The following FAM107B variants were observed in gnomAD, a reference collection of about 807,000 sequenced individuals.
FAM107B encodes protein FAM107B.
In FAM107B, 21 loss-of-function variants were observed where a neutral mutation model predicts 31.5. That is an observed-to-expected ratio of 0.67 (90% CI 0.47 to 0.96). The LOEUF is 0.96. FAM107B is among the 40% of genes least tolerant of loss of function. The probability of loss-of-function intolerance (pLI) is 0.00; values close to 1 mark genes in which losing one functional copy is unlikely to be tolerated. For missense variants in FAM107B, 452 were observed against 377.1 expected (o/e 1.20, Z -1.64); for synonymous variants, 157 against 141.5 (o/e 1.11, Z -0.78).
At chr10:14,705,458 C>T (rs1855497620) in intron 1 of FAM107B, among the ~76,000 whole-genome samples, 1 of 152,044 alleles carries the variant, frequency 6.6e-6, no homozygotes, top group Non-Finnish European at 1.5e-5. Flanking sequence ...GTGTGAACAA[C>T]CCAAATTTTC....
chr10:14,667,660 A>T lies in FAM107B; in HGVS notation c.443T>A (p.Leu148His). The T allele has an allele frequency of 6.2e-7, 1 of 1,614,164 alleles. No individual in the cohort carries two copies. Among genetic ancestry groups the T allele is most frequent in the African/African-American group, 1.3e-5 (1 of 75,064 alleles). Reference sequence around the variant, plus strand: ...TGATGTCATTTTCTGCTCCAGCTCGAGGCATTTAGGTTCTTCTCGAAATTC... The same window carrying T: ...TGATGTCATTTTCTGCTCCAGCTCGTGGCATTTAGGTTCTTCTCGAAATTC... Reference protein sequence around the residue: ...EEEFREEPKCLELEQKMTSDS... With the variant: ...EEEFREEPKCHELEQKMTSDS... The change falls in exon 2 of 5, where the codon CTC becomes CAC. Residue 148 changes from leucine (L) to histidine (H), a missense_variant. Transcript: ENST00000181796.
At chr10:14,679,233 G>A (rs1404044811) in intron 1 of FAM107B, among the ~76,000 whole-genome samples, 3 of 152,066 alleles carry the variant, frequency 2.0e-5, no homozygotes, top group Non-Finnish European at 2.9e-5. Context: ...GGGCTCAAGC[G>A]ATCCTCCTAC....
intron 2 of FAM107B, among the ~76,000 whole-genome samples, chr10:14,568,921 A>C (rs901640012): frequency 3.3e-5 from 5 of 152,166 alleles, no homozygotes; most frequent in African/African-American, 9.7e-5. Context: ...AAATGGCAAC[A>C]CCAGGAGAGC....
intron 2 of FAM107B, among the ~76,000 whole-genome samples, chr10:14,601,211 C>T (rs1852385970): frequency 6.6e-6 from 1 of 152,124 alleles, no homozygotes; most frequent in South Asian, 2.1e-4. Context: ...TAAAATAGCC[C>T]CTTGTCCATG....
chr10:14,614,475 T>A (rs1852801898), intron 2 of FAM107B, among the ~76,000 whole-genome samples: 1 of 151,492 alleles, frequency 6.6e-6, no homozygotes, highest in Admixed American at 6.6e-5. Context: ...GGGTTCAAGA[T>A]CAGCCTGACC....
intron 2 of FAM107B, among the ~76,000 whole-genome samples, chr10:14,546,349 C>T (rs550393648): frequency 6.6e-6 from 1 of 152,316 alleles, no homozygotes; most frequent in East Asian, 1.9e-4. Flanking sequence ...ATTGACTGTC[C>T]ACATTTTCTA....
chr10:14,575,936 A>C (rs1302809581), intron 2 of FAM107B, among the ~76,000 whole-genome samples: 1 of 152,240 alleles, frequency 6.6e-6, no homozygotes, highest in Non-Finnish European at 1.5e-5. Context: ...ATTGTCATAC[A>C]TGCTACCACA....
intron 1 of FAM107B, among the ~76,000 whole-genome samples, chr10:14,704,968 G>T (rs550924120): frequency 7.1e-6 from 1 of 140,188 alleles, no homozygotes; most frequent in African/African-American, 2.7e-5. Context: ...AGCTTGCCGC[G>T]AGCCAAGATG....
At chr10:14,697,000 C>A (rs1314302842) in intron 1 of FAM107B, among the ~76,000 whole-genome samples, 1 of 152,116 alleles carries the variant, frequency 6.6e-6, no homozygotes, top group Non-Finnish European at 1.5e-5. Flanking sequence ...CCAGGCCTAA[C>A]AACTTTATTC....
intron 2 of FAM107B, chr10:14,661,572 G>A: frequency 6.6e-6 from 1 of 152,230 alleles, no homozygotes; most frequent in East Asian, 1.9e-4. Context: ...CTTTGGACTT[G>A]GACTAGAATT....
intron 2 of FAM107B, among the ~76,000 whole-genome samples, chr10:14,643,347 C>T (rs1266139267): frequency 6.6e-6 from 1 of 151,772 alleles, no homozygotes; most frequent in Non-Finnish European, 1.5e-5. Context: ...GAGGGATCCC[C>T]TCTTACTTAG....
intron 2 of FAM107B, among the ~76,000 whole-genome samples, chr10:14,597,422 G>A (rs761291822): frequency 1.3e-5 from 2 of 152,188 alleles, no homozygotes; most frequent in Non-Finnish European, 2.9e-5. Context: ...CCACAGTAAT[G>A]ACAGCCCTCT....
intron 1 of FAM107B, among the ~76,000 whole-genome samples, chr10:14,692,480 C>A (rs1007607318): frequency 6.6e-6 from 1 of 152,144 alleles, no homozygotes; most frequent in African/African-American, 2.4e-5. Flanking sequence ...TTATCAGTGG[C>A]AAGCAATATA....
At position 14,720,693 on chromosome 10, in the gene FAM107B, C is replaced by A. The variant is rs913957462; in HGVS notation, c.412-53002G>T. On this transcript the variant is annotated intron_variant, in intron 1 of 4. Transcript: ENST00000181796. The stretch of plus-strand genomic sequence containing the variant: ...GGATCCCTCAACATTCTACCAGACA[C>A]CATTGTCTTAAATTCTAGAAGTTCC... Among the ~76,000 whole-genome samples the A allele has an allele frequency of 7.2e-5, 11 of 152,242 alleles. No homozygotes were observed. The East Asian group carries it at 2.1e-3, about 29-fold the overall frequency.
intron 2 of FAM107B, among the ~76,000 whole-genome samples, chr10:14,582,374 TC>T (rs1851663472): frequency 2.0e-5 from 2 of 97,562 alleles, no homozygotes; most frequent in East Asian, 2.8e-4. Context: ...TTTTTTCTTT[TC>T]TTTTTTTTTT....
intron 1 of FAM107B, among the ~76,000 whole-genome samples, chr10:14,750,086 C>T (rs1419188902): frequency 6.6e-6 from 1 of 152,134 alleles, no homozygotes; most frequent in Non-Finnish European, 1.5e-5. Flanking sequence ...CACCCTGGGC[C>T]AGAAGAACAA....
intron 2 of FAM107B, among the ~76,000 whole-genome samples, chr10:14,534,468 C>T (rs886616656): frequency 5.9e-5 from 9 of 152,156 alleles, no homozygotes; most frequent in African/African-American, 2.2e-4. Flanking sequence ...CTGCTACCAA[C>T]GCTGGAAAAT....
At chr10:14,740,947 G>T (rs1438902046) in intron 1 of FAM107B, among the ~76,000 whole-genome samples, 1 of 152,222 alleles carries the variant, frequency 6.6e-6, no homozygotes, top group African/African-American at 2.4e-5. Flanking sequence ...GATCAAAAAT[G>T]TTCTGTTAAG....
Position 14,682,707 on chromosome 10 carries a change from C to T in FAM107B, c.412-15016G>A, listed in dbSNP as rs910243423. On this transcript the variant is annotated intron_variant, in intron 1 of 4. Transcript: ENST00000181796. ...GTTGAACAATGAGAACACATGGACA[C>T]AGGGAGGGGAACATCACACAGCAGG... 3.3e-5 allele frequency among the ~76,000 whole-genome samples: 5 copies of T among 151,834 alleles called. No individual in the cohort carries two copies. In the East Asian group the frequency reaches 5.8e-4, roughly 18 times the overall value.
Sources: gnomAD v4.1 joint callset for allele counts (sites outside exome capture counted in the v4.1 genomes callset) on GRCh38, gnomAD v4.1.1 for gene constraint, MANE v1.5 for transcripts, NCBI Gene and HGNC (gene_info 2026-07-23, HGNC 2026-07-21) for gene names.